LRP2: variants seen among roughly 807,000 people sequenced by gnomAD.
LRP2 encodes the protein LDL receptor related protein 2, also known as low-density lipoprotein receptor-related protein 2.
LRP2 carries 172 observed loss-of-function variants against 531.0 expected under a neutral mutation model. The ratio of observed to expected loss-of-function variants is 0.32; its 90% CI spans 0.29 to 0.37. LRP2 has a LOEUF of 0.37. LRP2 is among the 10% of genes least tolerant of loss of function. The pLI, the probability that LRP2 is intolerant of heterozygous loss-of-function variation, is 1.00. For synonymous variants in LRP2, 1,992 were observed against 2,027.6 expected (o/e 0.98, Z 0.47); for missense variants, 5,167 against 5,868.3 (o/e 0.88, Z 3.90).
intron 65 of LRP2, 72 bp downstream of exon 65, chr2:169,156,202 T>C (rs1016034749): frequency 1.8e-5 from 29 of 1,581,622 alleles, no homozygotes; most frequent in Non-Finnish European, 2.5e-5. Context: ...TGAAGTTTCT[T>C]TCATCGTATA....
At chr2:169,313,187 C>A (rs772394457) in intron 3 of LRP2, among the ~76,000 whole-genome samples, 1 of 152,136 alleles carries the variant, frequency 6.6e-6, no homozygotes, top group Non-Finnish European at 1.5e-5. Flanking sequence ...TATTACCGAT[C>A]GTCTGAAGCC....
intron 55 of LRP2, among the ~76,000 whole-genome samples, chr2:169,174,429 T>C (rs1446091057): frequency 6.6e-6 from 1 of 152,242 alleles, no homozygotes; most frequent in Non-Finnish European, 1.5e-5. Flanking sequence ...CCTTCCTCTG[T>C]CCCTATTCTC....
intron 43 of LRP2, 100 bp downstream of exon 43, chr2:169,202,656 A>T: frequency 1.6e-6 from 2 of 1,238,686 alleles, no homozygotes; most frequent in Non-Finnish European, 2.4e-6. Flanking sequence ...ATGCCTAGGC[A>T]CACATTTCAA....
At chr2:169,338,343 A>AGAAG (rs1485637820) in intron 1 of LRP2, among the ~76,000 whole-genome samples, 8 of 138,520 alleles carry the variant, frequency 5.8e-5, no homozygotes, top group Non-Finnish European at 1.1e-4. Context: ...AGAGAAAGAA[A>AGAAG]GAAGGAAAGA....
At chr2:169,348,698 T>G (rs368829832) in intron 1 of LRP2, among the ~76,000 whole-genome samples, 59 of 152,324 alleles carry the variant, frequency 3.9e-4, no homozygotes, top group South Asian at 1.7e-3. Context: ...CCATTCTGTA[T>G]GTACAGGGGA....
chr2:169,195,386 C>G (rs942348822), intron 46 of LRP2, among the ~76,000 whole-genome samples: 1 of 151,884 alleles, frequency 6.6e-6, no homozygotes, highest in Non-Finnish European at 1.5e-5. Context: ...AAAAGTAAGT[C>G]AAATTCACAC....
At chr2:169,181,672 C>G in intron 51 of LRP2, 54 bp from the exon 52 acceptor site, 1 of 1,482,348 alleles carries the variant, frequency 6.7e-7, no homozygotes, top group Non-Finnish European at 9.4e-7. Flanking sequence ...AGTCAGTAGC[C>G]AAAATACACA....
At position 169,209,627 on chromosome 2, in the gene LRP2, G is replaced by A; in HGVS notation, c.6295C>T (p.His2099Tyr). The part of the protein sequence containing the change: ...PVAGQGRNAL[H>Y]VDVDVSSGFI... ...CCAGAGGACACATCCACATCCACAT[G>A]CAGTGCGTTTCGTCCTGGAAGTTAA... Residue 2099 changes from histidine (H) to tyrosine (Y), a missense_variant, in exon 38 of 79, where the codon CAT becomes TAT. His to Tyr is a moderately conservative substitution (Grantham distance 83, BLOSUM62 2). Coordinates refer to ENST00000649046, the MANE Select transcript of LRP2 (RefSeq NM_004525.3). 1 of 1,613,982 alleles carries A rather than the reference G, an allele frequency of 6.2e-7. No individual in the cohort carries two copies. The highest frequency in any genetic ancestry group is 8.5e-7 in the Non-Finnish European group (1 of 1,179,928).
intron 4 of LRP2, among the ~76,000 whole-genome samples, chr2:169,297,940 A>G (rs986064358): frequency 1.3e-5 from 2 of 151,660 alleles, no homozygotes; most frequent in African/African-American, 4.9e-5. Context: ...GAATCTTAAA[A>G]GTAGGTTAGG....
intron 1 of LRP2, among the ~76,000 whole-genome samples, chr2:169,354,727 G>A (rs1685944177): frequency 6.6e-6 from 1 of 152,134 alleles, no homozygotes; most frequent in East Asian, 1.9e-4. Context: ...GTAACCATCA[G>A]CAAAGAGTAC....
intron 63 of LRP2, among the ~76,000 whole-genome samples, chr2:169,162,218 C>T (rs768548540): frequency 6.6e-5 from 10 of 152,166 alleles, no homozygotes; most frequent in Non-Finnish European, 1.2e-4. Flanking sequence ...CCTCTAAGTT[C>T]GTTGCTCATT....
chr2:169,266,970 C>G (rs1417338016), intron 16 of LRP2, among the ~76,000 whole-genome samples: 1 of 148,700 alleles, frequency 6.7e-6, no homozygotes, highest in African/African-American at 2.5e-5. Flanking sequence ...TCACTGCAAC[C>G]TGGATCTCCT....
At chr2:169,132,474 G>A in intron 77 of LRP2, 100 bp downstream of exon 77, 1 of 765,724 alleles carries the variant, frequency 1.3e-6, no homozygotes, top group East Asian at 2.5e-5. Flanking sequence ...AGATCTTTGA[G>A]CCTTCCAGAA....
At chr2:169,327,939 G>A (rs1309889702) in intron 1 of LRP2, among the ~76,000 whole-genome samples, 1 of 99,386 alleles carries the variant, frequency 1.0e-5, no homozygotes, top group Non-Finnish European at 2.1e-5. Flanking sequence ...AGGTGGGGGC[G>A]TCAGCCCCCC....
At chr2:169,194,460 T>C (rs1687936381) in intron 46 of LRP2, among the ~76,000 whole-genome samples, 1 of 152,186 alleles carries the variant, frequency 6.6e-6, no homozygotes, top group Non-Finnish European at 1.5e-5. Flanking sequence ...CACTGTTCAA[T>C]AAATACTGAA....
chr2:169,330,673 C>G (rs1166154275), intron 1 of LRP2, among the ~76,000 whole-genome samples: 4 of 152,070 alleles, frequency 2.6e-5, no homozygotes, highest in Non-Finnish European at 5.9e-5. Context: ...TCATCCCTGA[C>G]CCCCACCTGT....
intron 4 of LRP2, among the ~76,000 whole-genome samples, chr2:169,304,169 A>C (rs1394845106): frequency 6.6e-6 from 1 of 152,170 alleles, no homozygotes; most frequent in Admixed American, 6.6e-5. Context: ...ATTTGCAATA[A>C]AGCACTCATT....
chr2:169,180,074 C>T (rs1339755823), intron 52 of LRP2, among the ~76,000 whole-genome samples: 1 of 151,998 alleles, frequency 6.6e-6, no homozygotes, highest in Admixed American at 6.6e-5. Context: ...CTTTTTTCAT[C>T]TCTAATGCTC....
At chr2:169,220,395 C>T (rs997268187) in intron 34 of LRP2, 59 bp downstream of exon 34, 109 of 1,248,774 alleles carry the variant, frequency 8.7e-5, no homozygotes, top group Middle Eastern at 1.9e-4. Flanking sequence ...TTTTGTCAGA[C>T]CCTGACATTA....
Sources: allele counts gnomAD v4.1 joint callset (sites outside exome capture counted in the v4.1 genomes callset), GRCh38; gene constraint gnomAD v4.1.1; transcripts MANE v1.5; gene names NCBI Gene and HGNC (gene_info 2026-07-23, HGNC 2026-07-21).